TMEM68: variants seen among roughly 807,000 people sequenced by gnomAD.
TMEM68 encodes the protein DGAT1/2-independent enzyme synthesizing storage lipids.
A neutral mutation model predicts 36.9 loss-of-function variants in TMEM68; 25 were observed. That is an observed-to-expected ratio of 0.68 (90% CI 0.49 to 0.95). TMEM68 has a LOEUF of 0.95. TMEM68 is among the 40% of genes least tolerant of loss of function. The pLI, the probability that TMEM68 is intolerant of heterozygous loss-of-function variation, is 0.00. For synonymous variants in TMEM68, 131 were observed against 124.4 expected (o/e 1.05, Z -0.35); for missense variants, 333 against 392.0 (o/e 0.85, Z 1.27).
intron 4 of TMEM68, among the ~76,000 whole-genome samples, chr8:55,754,945 A>ATATATT (rs1491393214): frequency 4.2e-3 from 8 of 1,894 alleles, no homozygotes; most frequent in African/African-American, 9.7e-3. Flanking sequence ...ATATATTTAT[A>ATATATT]CACACACACA....
chr8:55,749,184 A>G (rs77311811), intron 5 of TMEM68, among the ~76,000 whole-genome samples: 1,953 of 152,318 alleles, frequency 0.013, 37 homozygotes, highest in African/African-American at 0.045. Flanking sequence ...GTTATCTAAA[A>G]GTTCTTACCA....
intron 1 of TMEM68, among the ~76,000 whole-genome samples, chr8:55,771,901 T>C (rs1811183992): frequency 6.6e-6 from 1 of 152,246 alleles, no homozygotes; most frequent in Non-Finnish European, 1.5e-5. Flanking sequence ...CTAATCCTTT[T>C]AGCTTTAATA....
chr8:55,761,410 G>A (rs1334326797), intron 3 of TMEM68: 2 of 152,040 alleles, frequency 1.3e-5, no homozygotes, highest in Non-Finnish European at 2.9e-5. Flanking sequence ...AATCTTACTG[G>A]ACTTTAACTC....
At chr8:55,772,810 T>C (rs2044811) in intron 1 of TMEM68, among the ~76,000 whole-genome samples, 129,329 of 152,128 alleles carry the variant, frequency 0.85, 55,256 homozygotes, top group East Asian at 0.99. Context: ...CCCACGCGGC[T>C]TTCCCCCTAC....
intron 4 of TMEM68, among the ~76,000 whole-genome samples, chr8:55,751,807 A>T (rs2129950131): frequency 6.6e-6 from 1 of 152,370 alleles, no homozygotes; most frequent in Non-Finnish European, 1.5e-5. Context: ...TAATCCTGTT[A>T]GTAATTAAAT....
At chr8:55,756,144 C>T (rs1205714331) in intron 4 of TMEM68, 100 bp downstream of exon 4, 10 of 1,046,968 alleles carry the variant, frequency 9.6e-6, no homozygotes, top group South Asian at 1.8e-5. Context: ...AGGCAAAAAG[C>T]TTTTTCAAAT....
chr8:55,743,535 T>G lies in TMEM68; in HGVS notation c.834A>C (p.Leu278Phe). Reference protein sequence around the residue: ...GGFPVKLRTYLGDPIPYDPQI... With the variant: ...GGFPVKLRTYFGDPIPYDPQI... ...GTGGGTCATACGGAATGGGGTCGCC[T>G]AAATAGGTCCGTAACTTCACTGGAA... The change falls in exon 7 of 8, where the codon TTA becomes TTC. Residue 278 changes from leucine to phenylalanine, a missense_variant. By Grantham distance (22) the Leu-to-Phe change is conservative (BLOSUM62 0). Transcript: ENST00000434581. 3 of 1,536,020 alleles carry G rather than the reference T, an allele frequency of 2.0e-6. No individual in the cohort carries two copies. Among genetic ancestry groups the G allele is most frequent in the Non-Finnish European group, 2.6e-6 (3 of 1,146,834 alleles).
chr8:55,750,241 C>T (rs999935106), intron 5 of TMEM68, among the ~76,000 whole-genome samples: 4 of 151,718 alleles, frequency 2.6e-5, no homozygotes, highest in Non-Finnish European at 4.4e-5. Context: ...TTTTTGTTTT[C>T]TATGTCAGTG....
At chr8:55,771,168 A>G (rs116384889) in intron 1 of TMEM68, among the ~76,000 whole-genome samples, 1,982 of 152,170 alleles carry the variant, frequency 0.013, 40 homozygotes, top group African/African-American at 0.046. Context: ...AAAAAAAAAA[A>G]AGTTGACAAG....
chr8:55,762,837 T>C lies in TMEM68; in HGVS notation c.123A>G (p.Ala41=), dbSNP rs143958631. Residue 41 remains alanine, a synonymous_variant, in exon 3 of 8, where the codon GCA becomes GCG. Coordinates refer to ENST00000434581, the MANE Select transcript of TMEM68 (RefSeq NM_001286657.2). ...VEQLEDYLNF[A]NYLLWVFTPL... ...GTGTAAAAACCCACAAGAGATAGTT[T>C]GCAAAATTCAAATAGTCCTCCAACT... is the stretch of plus-strand genomic sequence containing the variant. 18 of 1,614,162 alleles carry C rather than the reference T, an allele frequency of 1.1e-5. No individual in the cohort carries two copies. The African/African-American group carries it at 2.4e-4, about 22-fold the overall frequency.
chr8:55,756,523 T>C, intron 3 of TMEM68, 112 bp from the exon 4 acceptor site: 1 of 909,770 alleles, frequency 1.1e-6, no homozygotes, highest in Non-Finnish European at 1.6e-6. Context: ...TCTTCCTGGT[T>C]CTCTTCCCCT....
At chr8:55,745,227 C>A in intron 5 of TMEM68, 106 bp from the exon 6 acceptor site, 1 of 605,632 alleles carries the variant, frequency 1.7e-6, no homozygotes, top group East Asian at 3.4e-5. Flanking sequence ...AGAGAAAAGG[C>A]ACCTATGGCC....
chr8:55,743,288 C>A (rs1327481509), intron 7 of TMEM68, among the ~76,000 whole-genome samples, 193 bp downstream of exon 7: 1 of 152,150 alleles, frequency 6.6e-6, no homozygotes. Flanking sequence ...CCCCTCACGG[C>A]CCCAACTCCT....
intron 1 of TMEM68, among the ~76,000 whole-genome samples, chr8:55,765,967 C>G (rs1810950124): frequency 6.6e-6 from 1 of 152,162 alleles, no homozygotes. Context: ...GCAAATAAAG[C>G]AAAGTCTACA....
intron 3 of TMEM68, among the ~76,000 whole-genome samples, chr8:55,757,644 G>A (rs868354328): frequency 4.6e-5 from 7 of 152,084 alleles, no homozygotes; most frequent in African/African-American, 1.7e-4. Context: ...TGCTGGGAGG[G>A]GCAGAACTCC....
At chr8:55,758,371 G>A (rs985808358) in intron 3 of TMEM68, among the ~76,000 whole-genome samples, 4 of 152,048 alleles carry the variant, frequency 2.6e-5, no homozygotes, top group Non-Finnish European at 5.9e-5. Context: ...ATTTACCTCA[G>A]TTGTCATTCT....
rs751371657 is a variant in TMEM68, at chr8:55,762,871, C to T, written c.89G>A (p.Gly30Asp). Reference protein sequence around the residue: ...CLIHILEEWFGVEQLEDYLNF... With the variant: ...CLIHILEEWFDVEQLEDYLNF... ...CAAATAGTCCTCCAACTGCTCCACACCAAACCATTCTTCGAGTATGTGAAT... is the reference window on the plus strand; with the variant it reads ...CAAATAGTCCTCCAACTGCTCCACATCAAACCATTCTTCGAGTATGTGAAT... The change falls in exon 3 of 8, where the codon GGT (glycine) becomes GAT (aspartate). Residue 30 changes from glycine to aspartate, a missense_variant. Gly to Asp is a moderately conservative substitution (Grantham distance 94). Transcript: ENST00000434581. The T allele has an allele frequency of 6.2e-7, 1 of 1,614,176 alleles. No individual in the cohort carries two copies. The highest frequency in any genetic ancestry group is 8.5e-7 in the Non-Finnish European group (1 of 1,180,026).
intron 7 of TMEM68, among the ~76,000 whole-genome samples, chr8:55,743,016 T>C (rs1563425714): frequency 6.6e-6 from 1 of 152,172 alleles, no homozygotes; most frequent in Non-Finnish European, 1.5e-5. Flanking sequence ...GCTCTGGCAC[T>C]TCTTCGTTGG....
intron 5 of TMEM68, among the ~76,000 whole-genome samples, chr8:55,750,155 C>T (rs1206011011): frequency 1.3e-5 from 2 of 152,110 alleles, no homozygotes; most frequent in African/African-American, 4.8e-5. Context: ...TTTTCATATA[C>T]ATTATATTGA....
Sources: allele counts gnomAD v4.1 joint callset (sites outside exome capture counted in the v4.1 genomes callset), GRCh38; gene constraint gnomAD v4.1.1; transcripts MANE v1.5; gene names NCBI Gene and HGNC (gene_info 2026-07-23, HGNC 2026-07-21).